ERICH3: variants seen among roughly 807,000 people sequenced by gnomAD.
The protein encoded by ERICH3 is glutamate-rich protein 3.
ERICH3 carries 126 observed loss-of-function variants against 131.1 expected under a neutral mutation model. The observed-to-expected ratio is 0.96, with a 90% CI of 0.83 to 1.11. ERICH3 has a LOEUF of 1.11. ERICH3 is among the 50% of genes most tolerant of loss of function. The probability of loss-of-function intolerance (pLI) is 0.00; values close to 1 mark genes in which losing one functional copy is unlikely to be tolerated. For synonymous variants in ERICH3, 695 were observed against 644.6 expected (o/e 1.08, Z -1.18); for missense variants, 2,050 against 1,810.7 (o/e 1.13, Z -2.40).
intron 1 of ERICH3, among the ~76,000 whole-genome samples, chr1:74,668,616 C>T (rs756671617): frequency 1.4e-4 from 22 of 152,148 alleles, no homozygotes; most frequent in Non-Finnish European, 2.6e-4. Flanking sequence ...ATTGCCATAA[C>T]AAACCCCTTT....
At chr1:74,590,127 T>G in intron 11 of ERICH3, 47 bp from the exon 12 acceptor site, 1 of 1,417,960 alleles carries the variant, frequency 7.1e-7, no homozygotes, top group Non-Finnish European at 9.4e-7. Flanking sequence ...TGTAAAGCAA[T>G]TGGTTTAATT....
At chr1:74,649,396 T>C (rs1049944185) in intron 1 of ERICH3, 81 bp from the exon 2 acceptor site, 1 of 1,030,792 alleles carries the variant, frequency 9.7e-7, no homozygotes, top group Non-Finnish European at 1.5e-6. Flanking sequence ...TTTCCCCAAA[T>C]AGTGCATAAT....
At chr1:74,619,966 G>T (rs1649142720) in intron 8 of ERICH3, among the ~76,000 whole-genome samples, 1 of 152,060 alleles carries the variant, frequency 6.6e-6, no homozygotes, top group South Asian at 2.1e-4. Flanking sequence ...AAGACTAAAA[G>T]TAAAAATTCC....
chr1:74,628,487 C>T (rs1458343249), intron 7 of ERICH3, among the ~76,000 whole-genome samples: 1 of 152,072 alleles, frequency 6.6e-6, no homozygotes, highest in African/African-American at 2.4e-5. Context: ...TTTTCTCTAA[C>T]TTTGTAAGAA....
At chr1:74,640,306 A>G (rs1646427123) in intron 5 of ERICH3, among the ~76,000 whole-genome samples, 2 of 152,166 alleles carry the variant, frequency 1.3e-5, no homozygotes, top group Admixed American at 6.5e-5. Flanking sequence ...GTATACATAT[A>G]TATTCAAATC....
intron 11 of ERICH3, among the ~76,000 whole-genome samples, chr1:74,595,957 T>C (rs1336222569): frequency 6.6e-6 from 1 of 152,018 alleles, no homozygotes; most frequent in African/African-American, 2.4e-5. Context: ...AGCAGATACA[T>C]TACACTGAAG....
rs1648403070 is a variant in ERICH3, at chr1:74,606,583, AC to A, written c.1489+17del. ...AACAGCCACAGCTACAACAAAAGAA[AC>A]TTGTGTTGTTGATTACCATATTTTA... On this transcript the variant is annotated intron_variant, in intron 10 of 14. Transcript: ENST00000326665. The A allele has an allele frequency of 1.3e-6, 2 of 1,571,974 alleles. No individual in the cohort carries two copies. The highest frequency in any genetic ancestry group is 1.7e-6 in the Non-Finnish European group (2 of 1,158,468).
intron 10 of ERICH3, among the ~76,000 whole-genome samples, chr1:74,602,694 A>T (rs796289570): frequency 9.2e-5 from 14 of 152,076 alleles, no homozygotes; most frequent in African/African-American, 2.6e-4. Flanking sequence ...GAAAAGCTTT[A>T]TCATAGGTAT....
At chr1:74,597,281 A>G (rs1647898110) in intron 11 of ERICH3, among the ~76,000 whole-genome samples, 1 of 152,086 alleles carries the variant, frequency 6.6e-6, no homozygotes. Context: ...ATCAAAATAA[A>G]GGAATGGAAA....
chr1:74,659,004 C>T (rs533735996), intron 1 of ERICH3, among the ~76,000 whole-genome samples: 13 of 152,292 alleles, frequency 8.5e-5, no homozygotes, highest in Middle Eastern at 3.4e-3. Flanking sequence ...AAATGAACCA[C>T]ATATACATTT....
At chr1:74,590,171 A>G in intron 11 of ERICH3, 91 bp from the exon 12 acceptor site, 2 of 1,144,010 alleles carry the variant, frequency 1.7e-6, no homozygotes, top group South Asian at 3.4e-5. Context: ...TAATACTAAA[A>G]ATTTTAAAAC....
At position 74,620,858 on chromosome 1, in the gene ERICH3, G is replaced by A; in HGVS notation, c.876C>T (p.Ile292=). 3 of 1,612,530 alleles carry A rather than the reference G, an allele frequency of 1.9e-6. No individual in the cohort carries two copies. The highest frequency in any genetic ancestry group is 2.5e-6 in the Non-Finnish European group (3 of 1,179,088). The change falls in exon 8 of 15, where the codon ATC becomes ATT. Residue 292 remains isoleucine, a synonymous_variant. Transcript: ENST00000326665. ...ATAGGTGCACATTTTTCCCCAAATAGATCATTGTAATAGCTGCATTACTAT... is the reference window on the plus strand; with the variant it reads ...ATAGGTGCACATTTTTCCCCAAATAAATCATTGTAATAGCTGCATTACTAT... ...SLHSNAAITM[I]YLGKNVHLSS...
In ERICH3 at chr1:74,568,341, T is replaced by C. The variant is rs187778141; in HGVS notation, c.*2117A>G. The stretch of plus-strand genomic sequence containing the variant: ...TAAATATAAAAGTAATCCAATGCAA[T>C]ACTATTTAGCACATTGTACAAAACT... On this transcript the variant is annotated 3_prime_UTR_variant, in exon 15 of 15. Coordinates refer to ENST00000326665, the MANE Select transcript of ERICH3 (RefSeq NM_001002912.5). 6 of 152,262 alleles carry C rather than the reference T, an allele frequency of 3.9e-5. No individual in the cohort carries two copies. The East Asian group carries it at 9.6e-4, about 24-fold the overall frequency. The allele number at this position is 152,262 out of a possible 1,614,324, so 9.4% of individuals were successfully genotyped here.
intron 1 of ERICH3, among the ~76,000 whole-genome samples, chr1:74,657,264 G>C (rs927461869): frequency 6.6e-6 from 1 of 152,000 alleles, no homozygotes; most frequent in African/African-American, 2.4e-5. Context: ...TGGTGCCTTT[G>C]TGGCATGCTA....
At chr1:74,627,245 T>G (rs1170610533) in intron 7 of ERICH3, among the ~76,000 whole-genome samples, 1 of 151,946 alleles carries the variant, frequency 6.6e-6, no homozygotes, top group East Asian at 1.9e-4. Flanking sequence ...GAAAAACAAG[T>G]GTAAAGGCTG....
At chr1:74,605,220 C>G (rs756590128) in intron 10 of ERICH3, among the ~76,000 whole-genome samples, 6 of 151,934 alleles carry the variant, frequency 3.9e-5, no homozygotes, top group Non-Finnish European at 7.4e-5. Flanking sequence ...CCTCTCTCAG[C>G]CTTCATAGAA....
chr1:74,630,881 A>G (rs1418726126), intron 7 of ERICH3, among the ~76,000 whole-genome samples: 1 of 151,996 alleles, frequency 6.6e-6, no homozygotes, highest in African/African-American at 2.4e-5. Flanking sequence ...AAGGGAGAGA[A>G]TTGGTAAAAG....
intron 8 of ERICH3, among the ~76,000 whole-genome samples, chr1:74,614,408 C>T (rs1312565081): frequency 6.7e-6 from 1 of 148,164 alleles, no homozygotes; most frequent in East Asian, 2.0e-4. Context: ...GGCACGGTGG[C>T]TCACGCCTGT....
intron 1 of ERICH3, among the ~76,000 whole-genome samples, chr1:74,663,886 T>A (rs1646665181): frequency 1.3e-5 from 2 of 152,128 alleles, no homozygotes; most frequent in South Asian, 4.1e-4. Context: ...CTGAATGTAT[T>A]CCTAAGGTCA....
Sources: allele counts gnomAD v4.1 joint callset (sites outside exome capture counted in the v4.1 genomes callset), GRCh38; gene constraint gnomAD v4.1.1; transcripts MANE v1.5; gene names NCBI Gene and HGNC (gene_info 2026-07-23, HGNC 2026-07-21).